The following RP1 variants were observed in gnomAD, a reference collection of about 807,000 sequenced individuals.
The protein encoded by RP1 is RP1 axonemal microtubule associated.
A neutral mutation model predicts 14.8 loss-of-function variants in RP1; 16 were observed. The observed-to-expected ratio is 1.08, with a 90% CI of 0.73 to 1.65. RP1 has a LOEUF of 1.65. Among genes scored for constraint, RP1 ranks in the 40% most tolerant of loss-of-function variants. RP1 has a pLI of 0.00. For synonymous variants in RP1, 876 were observed against 883.6 expected (o/e 0.99, Z 0.15); for missense variants, 2,631 against 2,535.0 (o/e 1.04, Z -0.81).
chr8:54,599,724 G>A (rs1241732608), intron 1 of RP1, among the ~76,000 whole-genome samples: 5 of 152,120 alleles, frequency 3.3e-5, no homozygotes, highest in African/African-American at 1.2e-4. Flanking sequence ...CAAAGTACTG[G>A]GGTTACAGGC....
At chr8:54,805,496 T>C (rs1810825568) in intron 24 of RP1, among the ~76,000 whole-genome samples, 1 of 152,194 alleles carries the variant, frequency 6.6e-6, no homozygotes, top group African/African-American at 2.4e-5. Context: ...ACCCATGACT[T>C]GAATCCTATT....
intron 22 of RP1, chr8:54,769,717 TTC>T (rs755748543): frequency 1.2e-3 from 1,714 of 1,392,650 alleles, no homozygotes; most frequent in Non-Finnish European, 1.4e-3. Flanking sequence ...CTCTCTTTCT[TTC>T]TCTCTCTCTC....
chr8:54,780,230 A>G (rs1202703733), intron 23 of RP1, among the ~76,000 whole-genome samples: 3 of 152,240 alleles, frequency 2.0e-5, no homozygotes, highest in Non-Finnish European at 4.4e-5. Flanking sequence ...TTTAATTACA[A>G]AAACAGGTGG....
At chr8:54,732,522 T>G (rs1808817431) in intron 17 of RP1, among the ~76,000 whole-genome samples, 1 of 152,110 alleles carries the variant, frequency 6.6e-6, no homozygotes, top group South Asian at 2.1e-4. Context: ...GAACTAAAGT[T>G]TTCTTTAGTT....
intron 1 of RP1, among the ~76,000 whole-genome samples, chr8:54,604,271 C>G (rs966038248): frequency 6.6e-6 from 1 of 152,078 alleles, no homozygotes; most frequent in Non-Finnish European, 1.5e-5. Context: ...TTGTCAAAGG[C>G]CTTTTCTGCA....
chr8:54,801,168 A>C (rs952279145), intron 24 of RP1, among the ~76,000 whole-genome samples: 3 of 152,124 alleles, frequency 2.0e-5, no homozygotes, highest in African/African-American at 7.2e-5. Flanking sequence ...GTGTTTCTCA[A>C]TATTTGCTTC....
intron 12 of RP1, among the ~76,000 whole-genome samples, chr8:54,690,139 C>G (rs1017331401): frequency 7.2e-5 from 11 of 151,938 alleles, no homozygotes; most frequent in Non-Finnish European, 4.4e-5. Flanking sequence ...AATTTCAATA[C>G]CTGCCACCTG....
At chr8:54,760,313 A>G (rs1005251722) in intron 22 of RP1, among the ~76,000 whole-genome samples, 6 of 151,930 alleles carry the variant, frequency 3.9e-5, no homozygotes, top group Non-Finnish European at 4.4e-5. Context: ...TCGTCTTCCA[A>G]TTTTCTTCTG....
intron 18 of RP1, among the ~76,000 whole-genome samples, chr8:54,735,956 G>A (rs1214040051): frequency 1.3e-5 from 2 of 152,080 alleles, no homozygotes; most frequent in Non-Finnish European, 2.9e-5. Context: ...ATTGCACATT[G>A]GAATTACCCA....
chr8:54,774,683 C>CT (rs943380487), downstream of RP1, among the ~76,000 whole-genome samples: 4 of 151,900 alleles, frequency 2.6e-5, no homozygotes, highest in East Asian at 1.9e-4. Flanking sequence ...TGGCTCACAC[C>CT]TTTTTTTTGG....
At chr8:54,590,922 T>C (rs1266351290) in intron 1 of RP1, among the ~76,000 whole-genome samples, 1 of 152,228 alleles carries the variant, frequency 6.6e-6, no homozygotes, top group Admixed American at 6.5e-5. Flanking sequence ...CCCGTATCAG[T>C]AAATGGTCCT....
intron 17 of RP1, among the ~76,000 whole-genome samples, chr8:54,733,007 G>T (rs1808829077): frequency 6.6e-6 from 1 of 152,132 alleles, no homozygotes; most frequent in Non-Finnish European, 1.5e-5. Context: ...TAGTATGAGG[G>T]TTGAGTGAGA....
intron 15 of RP1, among the ~76,000 whole-genome samples, chr8:54,710,912 A>G (rs1237811770): frequency 6.6e-6 from 1 of 152,174 alleles, no homozygotes; most frequent in Non-Finnish European, 1.5e-5. Context: ...AACAATCAGG[A>G]GAGAGCCGAC....
chr8:54,591,331 C>A (rs577804728), intron 1 of RP1, among the ~76,000 whole-genome samples: 2 of 152,220 alleles, frequency 1.3e-5, no homozygotes, highest in Non-Finnish European at 2.9e-5. Flanking sequence ...TTCAGCCACA[C>A]TGGCCTTCTT....
intron 24 of RP1, among the ~76,000 whole-genome samples, chr8:54,790,923 C>CA (rs1432440467): frequency 6.6e-6 from 1 of 151,948 alleles, no homozygotes; most frequent in Non-Finnish European, 1.5e-5. Flanking sequence ...AAGATAGGGA[C>CA]AAAAAGCCTA....
chr8:54,689,771 C>T (rs150687861), intron 12 of RP1, among the ~76,000 whole-genome samples: 75 of 152,128 alleles, frequency 4.9e-4, no homozygotes, highest in African/African-American at 1.7e-3. Flanking sequence ...ACTCTACCCA[C>T]TTTTGTTTGT....
chr8:54,845,759 T>C (rs77935692), intron 25 of RP1, among the ~76,000 whole-genome samples: 1 of 152,244 alleles, frequency 6.6e-6, no homozygotes, highest in Non-Finnish European at 1.5e-5. Flanking sequence ...TTCCTATTAC[T>C]GACAGATGGC....
In RP1 at chr8:54,805,031, C is replaced by T. The variant is rs183399887; in HGVS notation, c.3615+21321C>T. Among the ~76,000 whole-genome samples the T allele has an allele frequency of 8.5e-5, 13 of 152,146 alleles. No homozygotes were observed. In the East Asian group the frequency reaches 2.5e-3, roughly 29 times the overall value. On this transcript the variant is annotated intron_variant, in intron 24 of 28. Coordinates refer to the RP1 transcript ENST00000637698. ...ATGATTCCAAGGTCTGAAAAGCTGC[C>T]CATATTATTCTGACTTTCATCAGCA...
At position 54,593,679 on chromosome 8, in the gene RP1, C is replaced by A. The variant is rs189701114; in HGVS notation, c.-12-27276C>A. ...CAGGGAAGACTCTCATTCTAGGTGA[C>A]AGGTGGCCAAGCTGCTTGGCTGTAA... On this transcript the variant is annotated intron_variant, in intron 1 of 22. Coordinates refer to the RP1 transcript ENST00000636932. Among the ~76,000 whole-genome samples, 150 of 152,260 alleles carry A rather than the reference C, an allele frequency of 9.9e-4. 1 individual carries two copies. Among genetic ancestry groups the A allele is most frequent in the African/African-American group, 3.3e-3 (139 of 41,542 alleles).
Sources: gnomAD v4.1 joint callset for allele counts (sites outside exome capture counted in the v4.1 genomes callset) on GRCh38, gnomAD v4.1.1 for gene constraint, MANE v1.5 for transcripts, NCBI Gene and HGNC (gene_info 2026-07-23, HGNC 2026-07-21) for gene names.